EXOC6B: variants seen among roughly 807,000 people sequenced by gnomAD.
EXOC6B encodes SEC15 homolog B.
In EXOC6B, 54 loss-of-function variants were observed where a neutral mutation model predicts 113.5. The observed-to-expected ratio is 0.48, with a 90% CI of 0.38 to 0.60. The LOEUF (loss-of-function observed/expected upper bound fraction) is 0.60, where lower values mean the gene tolerates loss of function less well. Among genes scored for constraint, EXOC6B ranks in the 20% least tolerant of loss-of-function variants. The pLI is 0.00. For synonymous variants in EXOC6B, 357 were observed against 339.0 expected (o/e 1.05, Z -0.58); for missense variants, 797 against 977.5 (o/e 0.82, Z 2.46).
At chr2:72,305,096 T>C (rs994209900) in intron 20 of EXOC6B, among the ~76,000 whole-genome samples, 11 of 152,168 alleles carry the variant, frequency 7.2e-5, no homozygotes, top group African/African-American at 2.7e-4. Context: ...CTAAGCACTT[T>C]CCATGGATTA....
chr2:72,453,066 T>C (rs1484005794), intron 18 of EXOC6B, among the ~76,000 whole-genome samples: 1 of 152,178 alleles, frequency 6.6e-6, no homozygotes, highest in Non-Finnish European at 1.5e-5. Flanking sequence ...GAAAAGCAAC[T>C]AGTTTACTGT....
intron 20 of EXOC6B, among the ~76,000 whole-genome samples, chr2:72,246,224 C>T (rs1267817065): frequency 2.0e-5 from 3 of 152,108 alleles, no homozygotes; most frequent in Admixed American, 2.0e-4. Context: ...GTTTGGATGT[C>T]ACTTCCTAAC....
intron 8 of EXOC6B, among the ~76,000 whole-genome samples, chr2:72,547,504 C>T (rs1702976223): frequency 6.6e-6 from 1 of 152,154 alleles, no homozygotes; most frequent in Non-Finnish European, 1.5e-5. Context: ...AAGAAGATCA[C>T]ATACAAGACT....
At chr2:72,516,189 CA>C (rs1701203904) in intron 8 of EXOC6B, among the ~76,000 whole-genome samples, 1 of 152,146 alleles carries the variant, frequency 6.6e-6, no homozygotes, top group South Asian at 2.1e-4. Flanking sequence ...GAAATGAATA[CA>C]AACTCAGTGT....
At chr2:72,451,018 G>T (rs758841644) in intron 18 of EXOC6B, among the ~76,000 whole-genome samples, 18 of 152,092 alleles carry the variant, frequency 1.2e-4, no homozygotes, top group South Asian at 2.1e-4. Flanking sequence ...TTGTACCCTA[G>T]GGAACCGATA....
intron 19 of EXOC6B, among the ~76,000 whole-genome samples, chr2:72,366,176 C>G (rs982329724): frequency 6.6e-6 from 1 of 151,304 alleles, no homozygotes; most frequent in Non-Finnish European, 1.5e-5. Context: ...TGTTACATAG[C>G]TATTATAAGA....
Position 72,330,514 on chromosome 2 carries a change from C to T in EXOC6B, c.2196+4433G>A, listed in dbSNP as rs374536238. Among the ~76,000 whole-genome samples, 373 of 152,160 alleles carry T rather than the reference C, an allele frequency of 2.5e-3. 2 individuals are homozygous for T. The South Asian group carries it at 0.033, about 13-fold the overall frequency. ...TGTTTTTAAACAAAACTTAAATCTG[C>T]TATTTTCTATGCTTTAAATATTTTC... On this transcript the variant is annotated intron_variant, in intron 20 of 21. Coordinates refer to ENST00000272427, the MANE Select transcript of EXOC6B (RefSeq NM_015189.3).
chr2:72,708,896 ATTTTTTTTT>A (rs1159794341), intron 6 of EXOC6B, among the ~76,000 whole-genome samples: 3 of 69,790 alleles, frequency 4.3e-5, no homozygotes, highest in South Asian at 6.9e-4. Flanking sequence ...CATCCAGCTA[ATTTTTTTTT>A]TTTTTTTTTT....
chr2:72,323,362 T>C (rs898458610), intron 20 of EXOC6B, among the ~76,000 whole-genome samples: 8 of 152,172 alleles, frequency 5.3e-5, no homozygotes, highest in African/African-American at 1.7e-4. Context: ...TGTGGAGAAA[T>C]CGGAATGCTT....
chr2:72,631,212 G>A (rs1242890424), intron 6 of EXOC6B, among the ~76,000 whole-genome samples: 2 of 151,570 alleles, frequency 1.3e-5, no homozygotes, highest in Non-Finnish European at 2.9e-5. Context: ...ATATGCATAT[G>A]TGTATATATG....
chr2:72,476,849 G>C (rs1411353322), intron 17 of EXOC6B, among the ~76,000 whole-genome samples: 1 of 152,212 alleles, frequency 6.6e-6, no homozygotes, highest in African/African-American at 2.4e-5. Flanking sequence ...GCTGAATACT[G>C]GCTTTATTTT....
At chr2:72,219,114 C>T (rs1269139532) in intron 20 of EXOC6B, among the ~76,000 whole-genome samples, 1 of 152,060 alleles carries the variant, frequency 6.6e-6, no homozygotes, top group Non-Finnish European at 1.5e-5. Flanking sequence ...AGTGATAATA[C>T]TGAAATAAAG....
In EXOC6B at chr2:72,722,745, T is replaced by G. The variant is rs942743884; in HGVS notation, c.465-4438A>C. ...CTCTAGAGAGAAACTTTAGAACGGA[T>G]AGAAAGCCAAAAATTAAGCCAAAAA... On this transcript the variant is annotated intron_variant, in intron 5 of 21. Transcript: ENST00000272427. Among the ~76,000 whole-genome samples the G allele has an allele frequency of 3.3e-5, 5 of 152,274 alleles. No homozygotes were observed. In the East Asian group the frequency reaches 5.8e-4, roughly 18 times the overall value.
At chr2:72,195,802 G>A (rs996404652) in intron 20 of EXOC6B, among the ~76,000 whole-genome samples, 1 of 152,050 alleles carries the variant, frequency 6.6e-6, no homozygotes, top group Non-Finnish European at 1.5e-5. Flanking sequence ...GATTTGATAA[G>A]TCAGTCCCCC....
intron 20 of EXOC6B, among the ~76,000 whole-genome samples, chr2:72,217,475 A>T (rs1196125894): frequency 6.6e-6 from 1 of 152,158 alleles, no homozygotes; most frequent in Non-Finnish European, 1.5e-5. Context: ...AAAAAGGTAC[A>T]TTCAGAGCAC....
intron 6 of EXOC6B, among the ~76,000 whole-genome samples, chr2:72,671,658 A>G (rs918753076): frequency 6.6e-6 from 1 of 151,900 alleles, no homozygotes; most frequent in African/African-American, 2.4e-5. Context: ...ATATGGTGCC[A>G]TTGCACTCTA....
In EXOC6B at chr2:72,525,844, C is replaced by T. The variant is rs570451412; in HGVS notation, c.916-10718G>A. The stretch of plus-strand genomic sequence containing the variant: ...AAGGGTATGTGAGAACAGAAATAAA[C>T]CAAATTATTTGCCCAGAAATAGGAC... On this transcript the variant is annotated intron_variant, in intron 8 of 21. Transcript: ENST00000272427. 9.2e-5 allele frequency among the ~76,000 whole-genome samples: 14 copies of T among 152,198 alleles called. No individual in the cohort carries two copies. The South Asian group carries it at 2.9e-3, about 32-fold the overall frequency.
intron 2 of EXOC6B, among the ~76,000 whole-genome samples, chr2:72,740,894 A>G (rs1400514745): frequency 1.3e-5 from 2 of 152,112 alleles, no homozygotes. Context: ...CGAGGTCAGG[A>G]GATCGAGACC....
chr2:72,293,401 C>T (rs1343145069), intron 20 of EXOC6B, among the ~76,000 whole-genome samples: 1 of 152,088 alleles, frequency 6.6e-6, no homozygotes, highest in Non-Finnish European at 1.5e-5. Flanking sequence ...GGGGTAACAG[C>T]TTTTCCATTT....
Sources: allele counts gnomAD v4.1 joint callset (sites outside exome capture counted in the v4.1 genomes callset), GRCh38; gene constraint gnomAD v4.1.1; transcripts MANE v1.5; gene names NCBI Gene and HGNC (gene_info 2026-07-23, HGNC 2026-07-21).